RFX4: variants seen among roughly 807,000 people sequenced by gnomAD.
The protein encoded by RFX4 is transcription factor RFX4.
Under a neutral mutation model 95.0 loss-of-function variants are expected in RFX4, and 10 were observed. That is an observed-to-expected ratio of 0.11 (90% CI 0.06 to 0.18). The LOEUF (loss-of-function observed/expected upper bound fraction) is 0.18, where lower values mean the gene tolerates loss of function less well. Among genes scored for constraint, RFX4 ranks in the 10% least tolerant of loss-of-function variants. The pLI is 1.00. For synonymous variants in RFX4, 321 were observed against 340.7 expected, an observed-to-expected ratio of 0.94 and a Z score of 0.64; for missense variants, 640 against 922.0, an observed-to-expected ratio of 0.69 and a Z score of 3.96.
At chr12:106,662,052 A>G (rs1273571769) in intron 4 of RFX4, 1 of 181,226 alleles carries the variant, frequency 5.5e-6, no homozygotes, top group Non-Finnish European at 1.2e-5. Flanking sequence ...TATGGACATA[A>G]GTTTTCAACT....
chr12:106,712,561 TC>T (rs1240334427), intron 10 of RFX4, among the ~76,000 whole-genome samples: 4 of 151,666 alleles, frequency 2.6e-5, no homozygotes, highest in African/African-American at 9.7e-5. Flanking sequence ...TGAAGGAGGG[TC>T]CCAGACCAGG....
intron 4 of RFX4, among the ~76,000 whole-genome samples, chr12:106,663,174 A>G (rs762270604): frequency 5.9e-5 from 9 of 152,082 alleles, no homozygotes; most frequent in Admixed American, 1.3e-4. Flanking sequence ...GCAATATTGC[A>G]TCTTCCTATC....
intron 15 of RFX4, among the ~76,000 whole-genome samples, chr12:106,735,980 G>T (rs1293789640): frequency 1.3e-5 from 2 of 152,110 alleles, no homozygotes; most frequent in Admixed American, 1.3e-4. Context: ...GCTTGGTCAG[G>T]CTATGATAAT....
chr12:106,684,608 AT>A, intron 5 of RFX4: 1 of 1,079,392 alleles, frequency 9.3e-7, no homozygotes, highest in Non-Finnish European at 1.3e-6. Flanking sequence ...TTAAGAAGTT[AT>A]AAAGGTGAAC....
intron 15 of RFX4, among the ~76,000 whole-genome samples, chr12:106,741,501 G>C (rs2042802999): frequency 6.6e-6 from 1 of 152,166 alleles, no homozygotes; most frequent in African/African-American, 2.4e-5. Context: ...GCCACCTGTG[G>C]CTATTAAGCA....
intron 1 of RFX4, among the ~76,000 whole-genome samples, chr12:106,596,792 T>A (rs2039626417): frequency 6.6e-6 from 1 of 152,278 alleles, no homozygotes; most frequent in Admixed American, 6.5e-5. Flanking sequence ...TTTGCCTGTG[T>A]AATTTTTATC....
At chr12:106,745,570 A>G (rs1555236661) in intron 15 of RFX4, among the ~76,000 whole-genome samples, 1 of 151,722 alleles carries the variant, frequency 6.6e-6, no homozygotes, top group Non-Finnish European at 1.5e-5. Context: ...TCCTCCCACT[A>G]CTCCATATCA....
At position 106,686,900 on chromosome 12, in the gene RFX4, A is replaced by C. The variant is rs1480794323; in HGVS notation, c.394A>C (p.Ile132Leu). ...GTGGCCCAGGTACCATTACTATGGC[A>C]TTGCAGTGAAAGAAAGCTCCCAATA... is the stretch of plus-strand genomic sequence containing the variant. ...RGQSKYHYYG[I>L]AVKESSQYYD... is the part of the protein sequence containing the mutation. Residue 132 changes from isoleucine to leucine, a missense_variant, in exon 6 of 18, where the codon ATT (isoleucine) becomes CTT (leucine). By Grantham distance (5) the Ile-to-Leu change is conservative (BLOSUM62 2). This residue lies in a region of RFX4 where 89 missense variants were observed against 173.8 expected (regional missense o/e 0.51). Coordinates refer to ENST00000392842, the MANE Select transcript of RFX4 (RefSeq NM_213594.3). The C allele has an allele frequency of 2.5e-6, 4 of 1,611,308 alleles. No homozygotes were observed. The highest frequency in any genetic ancestry group is 3.4e-6 in the Non-Finnish European group (4 of 1,179,496).
rs149587196 is a variant in RFX4 at position 106,683,466 on chromosome 12, GAAAAAA to G, written c.377+1437_377+1442del. 6.3e-3 allele frequency: 320 copies of G among 50,772 alleles called. 1 individual carries two copies. Among genetic ancestry groups the G allele is most frequent in the African/African-American group, 0.024 (314 of 12,966 alleles). 3.1% of individuals were successfully genotyped at this position (50,772 alleles called of 1,614,324 possible). On this transcript the variant is annotated intron_variant, in intron 5 of 17. Transcript: ENST00000392842. ...AATAATTTTCCAAGATGACTATTCTGAAAAAAAAAAAAAAAAAAAAAAAAAAAAAAC... is the reference window on the plus strand; with the variant it reads ...AATAATTTTCCAAGATGACTATTCTGAAAAAAAAAAAAAAAAAAAAAAAAC...
rs1309701042 is a variant in RFX4, at chr12:106,586,812, A to G, written c.43+3449A>G. ...GGCCTTGGCGCCGTGCCCACAAGGC[A>G]AAGTGCGTCCTGGAGGGAACAGGGC... On this transcript the variant is annotated intron_variant, in intron 1 of 17. Coordinates refer to ENST00000392842, the MANE Select transcript of RFX4 (RefSeq NM_213594.3). The surrounding 1 kb of genome is among the most constrained non-coding windows in gnomAD (Gnocchi z 5.6). Among the ~76,000 whole-genome samples, 1 of 152,222 alleles carries G rather than the reference A, an allele frequency of 6.6e-6. No individual in the cohort carries two copies. The highest frequency in any genetic ancestry group is 6.5e-5 in the Admixed American group (1 of 15,286).
intron 17 of RFX4, among the ~76,000 whole-genome samples, chr12:106,758,807 C>A (rs577547974): frequency 1.8e-4 from 28 of 152,302 alleles, no homozygotes; most frequent in African/African-American, 6.5e-4. Context: ...AAGCGTGCTC[C>A]CCAACTGGGT....
At position 106,612,229 on chromosome 12, in the gene RFX4, A is replaced by G. The variant is rs1189954682; in HGVS notation, c.130+3346A>G. 2.0e-5 allele frequency among the ~76,000 whole-genome samples: 3 copies of G among 152,340 alleles called. No individual in the cohort carries two copies. The East Asian group carries it at 5.8e-4, about 29-fold the overall frequency. ...TTAACATCTTAATAGTAAGTCTTCC[A>G]GTCCATGAACACAGGATGTCTTTCC... On this transcript the variant is annotated intron_variant, in intron 2 of 17. Transcript: ENST00000392842.
At position 106,705,374 on chromosome 12, in the gene RFX4, G is replaced by A. The variant is rs561470748; in HGVS notation, c.834-3956G>A. ...AGACTTGGCAGCCAGCCGCACAAGAGGGAGGAAAAGTGTGTCCCTAGAAGT... is the reference window on the plus strand; with the variant it reads ...AGACTTGGCAGCCAGCCGCACAAGAAGGAGGAAAAGTGTGTCCCTAGAAGT... On this transcript the variant is annotated intron_variant, in intron 8 of 17. Transcript: ENST00000392842. 2.3e-4 allele frequency among the ~76,000 whole-genome samples: 35 copies of A among 152,324 alleles called. 1 individual carries two copies. The East Asian group carries it at 6.0e-3, about 26-fold the overall frequency.
At chr12:106,651,763 A>G (rs2040860867) in intron 3 of RFX4, among the ~76,000 whole-genome samples, 1 of 152,168 alleles carries the variant, frequency 6.6e-6, no homozygotes, top group Non-Finnish European at 1.5e-5. Context: ...GCTCTGGCCA[A>G]TTGTTGTCGT....
intron 13 of RFX4, among the ~76,000 whole-genome samples, chr12:106,722,249 C>T (rs1333079549): frequency 6.6e-6 from 1 of 152,214 alleles, no homozygotes; most frequent in Non-Finnish European, 1.5e-5. Context: ...TCATTGCTTC[C>T]AAGTCAGAGA....
intron 7 of RFX4, among the ~76,000 whole-genome samples, chr12:106,693,909 T>C (rs962907588): frequency 2.0e-5 from 3 of 152,204 alleles, no homozygotes; most frequent in Non-Finnish European, 2.9e-5. Context: ...ATCTATGATG[T>C]GCCAAGCACT....
Position 106,733,037 on chromosome 12 carries a change from T to C in RFX4, c.1585T>C (p.Ser529Pro). 6.2e-7 allele frequency: 1 copy of C among 1,614,124 alleles called. No homozygotes were observed. The highest frequency in any genetic ancestry group is 8.5e-7 in the Non-Finnish European group (1 of 1,179,986). The change falls in exon 15 of 18, where the codon TCC becomes CCC. Residue 529 changes from serine (S) to proline (P), a missense_variant. Physicochemically the swap from Ser to Pro is moderately conservative, Grantham distance 74 (BLOSUM62 -1). Coordinates refer to ENST00000392842, the MANE Select transcript of RFX4 (RefSeq NM_213594.3). ...ATSVEVPPPS[S>P]PVSNPSPEYT... is the part of the protein sequence containing the mutation. ...ATCTGTGGAAGTGCCACCTCCCTCTTCCCCTGTTAGCAATCCTTCCCCTGA... is the reference window on the plus strand; with the variant it reads ...ATCTGTGGAAGTGCCACCTCCCTCTCCCCCTGTTAGCAATCCTTCCCCTGA...
At chr12:106,748,085 A>G (rs928329135) in intron 16 of RFX4, among the ~76,000 whole-genome samples, 2 of 152,100 alleles carry the variant, frequency 1.3e-5, no homozygotes, top group African/African-American at 4.8e-5. Context: ...GTAGGTAGGT[A>G]GGTAAGAAGG....
At chr12:106,714,091 A>AAAAAAAAAAAAAAAAAT (rs2042243366) in intron 10 of RFX4, among the ~76,000 whole-genome samples, 1 of 150,294 alleles carries the variant, frequency 6.7e-6, no homozygotes, top group Non-Finnish European at 1.5e-5. Flanking sequence ...AAAAAAAAAA[A>AAAAAAAAAAAAAAAAAT]GCATGTTCTA....
Sources: gnomAD v4.1 joint callset for allele counts (sites outside exome capture counted in the v4.1 genomes callset) on GRCh38, gnomAD v4.1.1 for gene constraint, gnomAD v4.1.1 regional missense constraint, Gnocchi (gnomAD v3.1) non-coding constraint, MANE v1.5 for transcripts, NCBI Gene and HGNC (gene_info 2026-07-23, HGNC 2026-07-21) for gene names.